WNT3: variants seen among roughly 807,000 people sequenced by gnomAD.
The protein encoded by WNT3 is Wnt family member 3.
In WNT3, 7 loss-of-function variants were observed where a neutral mutation model predicts 34.2. The observed-to-expected ratio is 0.20, with a 90% confidence interval of 0.12 to 0.38. WNT3 has a LOEUF of 0.38. WNT3 is among the 10% of genes least tolerant of loss of function. The probability of loss-of-function intolerance (pLI) is 1.00; values close to 1 mark genes in which losing one functional copy is unlikely to be tolerated. For synonymous variants in WNT3, 212 were observed against 211.5 expected (o/e 1.00, Z -0.02); for missense variants, 267 against 499.8 (o/e 0.53, Z 4.44).
Position 46,763,500 on chromosome 17 carries a change from T to C in WNT3, c.*1130A>G, listed in dbSNP as rs1179372226. On this transcript the variant is annotated 3_prime_UTR_variant, in exon 5 of 5. Coordinates refer to ENST00000225512, the MANE Select transcript of WNT3 (RefSeq NM_030753.5). ...ACTCTGTGTCTGTGTTTACTCACAT[T>C]GGCCCCAGAGAGGAAAGGACACAGT... 1 of 152,166 alleles carries C rather than the reference T, an allele frequency of 6.6e-6. No homozygotes were observed. The highest frequency in any genetic ancestry group is 1.5e-5 in the Non-Finnish European group (1 of 68,060). 9.4% of individuals were successfully genotyped at this position (152,166 alleles called of 1,614,324 possible).
chr17:46,796,134 T>C (rs2146433607), intron 1 of WNT3, among the ~76,000 whole-genome samples: 1 of 152,324 alleles, frequency 6.6e-6, no homozygotes, highest in African/African-American at 2.4e-5. Flanking sequence ...CTGATCTTAT[T>C]GCTACCACCC....
At chr17:46,780,481 C>G (rs1178224090) in intron 1 of WNT3, among the ~76,000 whole-genome samples, 1 of 152,242 alleles carries the variant, frequency 6.6e-6, no homozygotes, top group African/African-American at 2.4e-5. Context: ...TGGTATACGC[C>G]CAAAAGAATT....
intron 4 of WNT3, among the ~76,000 whole-genome samples, chr17:46,766,633 G>C (rs1169458904): frequency 1.3e-5 from 2 of 152,096 alleles, no homozygotes; most frequent in East Asian, 3.9e-4. Context: ...CTACACCGAG[G>C]GGCTTCCTAG....
intron 1 of WNT3, among the ~76,000 whole-genome samples, chr17:46,817,945 C>T (rs1188855642): frequency 6.6e-6 from 1 of 152,102 alleles, no homozygotes; most frequent in Non-Finnish European, 1.5e-5. Flanking sequence ...CAAGATGAAT[C>T]TAGAGCGGTG....
rs1002575855 is a variant in WNT3, at chr17:46,764,465, G to A, written c.*165C>T. On this transcript the variant is annotated 3_prime_UTR_variant, in exon 5 of 5. Coordinates refer to ENST00000225512, the MANE Select transcript of WNT3 (RefSeq NM_030753.5). ...GATGAGAGAGAGGGAGAGCCTCCCC[G>A]TCCACAGGCGAGTTGGGTCTGGGTC... The A allele has an allele frequency of 1.3e-5, 2 of 152,364 alleles. No homozygotes were observed. Among genetic ancestry groups the A allele is most frequent in the African/African-American group, 2.4e-5 (1 of 41,436 alleles). The allele number at this position is 152,364 out of a possible 1,614,324, so 9.4% of individuals were successfully genotyped here.
At chr17:46,784,966 A>T (rs1237373331) in intron 1 of WNT3, among the ~76,000 whole-genome samples, 1 of 151,416 alleles carries the variant, frequency 6.6e-6, no homozygotes, top group African/African-American at 2.4e-5. Context: ...TTTAGTAGAG[A>T]CGGGGTTTCA....
intron 1 of WNT3, among the ~76,000 whole-genome samples, chr17:46,805,948 C>A (rs945632078): frequency 2.0e-5 from 3 of 152,190 alleles, no homozygotes; most frequent in African/African-American, 7.2e-5. Flanking sequence ...ATGGAGCCTT[C>A]GGCAATGGAA....
chr17:46,808,311 C>CCCCAAATAAGAGACTT (rs1210984087), intron 1 of WNT3, among the ~76,000 whole-genome samples: 1 of 152,204 alleles, frequency 6.6e-6, no homozygotes, highest in Non-Finnish European at 1.5e-5. Flanking sequence ...GAGGACACAT[C>CCCCAAATAAGAGACTT]CCCAAATAAG....
At chr17:46,769,284 C>T (rs2059341454) in intron 3 of WNT3, among the ~76,000 whole-genome samples, 2 of 147,958 alleles carry the variant, frequency 1.4e-5, no homozygotes, top group Non-Finnish European at 3.0e-5. Context: ...CCACTGCACT[C>T]CAGCCTGGGC....
chr17:46,788,385 C>G (rs1275764413), intron 1 of WNT3, among the ~76,000 whole-genome samples: 2 of 152,296 alleles, frequency 1.3e-5, no homozygotes, highest in East Asian at 3.9e-4. Flanking sequence ...TCTGAGCAGC[C>G]AAGTCTGCTG....
intron 2 of WNT3, among the ~76,000 whole-genome samples, chr17:46,771,756 C>A (rs1386941188): frequency 2.8e-5 from 1 of 36,058 alleles, no homozygotes; most frequent in East Asian, 1.4e-3. Context: ...CGGCGCCCCC[C>A]GCCCCCGCGC....
intron 1 of WNT3, among the ~76,000 whole-genome samples, chr17:46,781,394 C>G (rs1328623171): frequency 1.3e-5 from 2 of 148,516 alleles, no homozygotes. Flanking sequence ...GCTTAGGCAA[C>G]AGAGTAAGAC....
At chr17:46,816,543 C>T in intron 1 of WNT3, among the ~76,000 whole-genome samples, 1 of 151,676 alleles carries the variant, frequency 6.6e-6, no homozygotes, top group Non-Finnish European at 1.5e-5. Context: ...GACAAAGCAG[C>T]ATTCCTGTCC....
intron 4 of WNT3, among the ~76,000 whole-genome samples, chr17:46,764,869 C>T (rs931997569): frequency 5.3e-5 from 8 of 152,186 alleles, no homozygotes; most frequent in African/African-American, 1.9e-4. Flanking sequence ...CTACCTCCCC[C>T]ACCTCTAGCT....
chr17:46,816,512 CACA>C (rs2084351719), intron 1 of WNT3, among the ~76,000 whole-genome samples: 2 of 143,118 alleles, frequency 1.4e-5, no homozygotes, highest in African/African-American at 2.6e-5. Flanking sequence ...CACACACACA[CACA>C]CCTCTCTCCT....
intron 2 of WNT3, among the ~76,000 whole-genome samples, chr17:46,771,318 G>A (rs905290303): frequency 3.3e-5 from 5 of 152,070 alleles, no homozygotes; most frequent in Admixed American, 6.5e-5. Flanking sequence ...GGTCCCAGCC[G>A]CGCCGCTCAC....
chr17:46,787,506 G>A (rs2059518587), intron 1 of WNT3, among the ~76,000 whole-genome samples: 1 of 152,188 alleles, frequency 6.6e-6, no homozygotes, highest in Non-Finnish European at 1.5e-5. Flanking sequence ...CCACTGGTTG[G>A]AGGCAGTGCA....
intron 1 of WNT3, among the ~76,000 whole-genome samples, chr17:46,799,786 C>T (rs533158942): frequency 6.6e-6 from 1 of 152,300 alleles, no homozygotes; most frequent in Admixed American, 6.5e-5. Context: ...TCACAACTAC[C>T]TTGAGATCAT....
rs557637260 is a variant in WNT3, at chr17:46,809,044, G to C, written c.80+9474C>G. Among the ~76,000 whole-genome samples the C allele has an allele frequency of 2.7e-3, 406 of 152,326 alleles. 4 individuals carry two copies. Among genetic ancestry groups the C allele is most frequent in the African/African-American group, 9.4e-3 (392 of 41,582 alleles). On this transcript the variant is annotated intron_variant, in intron 1 of 4. Coordinates refer to ENST00000225512, the MANE Select transcript of WNT3 (RefSeq NM_030753.5). Reference sequence around the variant, plus strand: ...CAGGTTGGGCTGCCTTTTAAAGTCAGAGAGAGGAGGTGGAAGTATTTCAAT... The same window carrying C: ...CAGGTTGGGCTGCCTTTTAAAGTCACAGAGAGGAGGTGGAAGTATTTCAAT...
Sources: allele counts gnomAD v4.1 joint callset (sites outside exome capture counted in the v4.1 genomes callset), GRCh38; gene constraint gnomAD v4.1.1; transcripts MANE v1.5; gene names NCBI Gene and HGNC (gene_info 2026-07-23, HGNC 2026-07-21).